The following EXOC6B variants were observed in gnomAD, a reference collection of about 807,000 sequenced individuals.
The protein encoded by EXOC6B is SEC15 homolog B.
Under a neutral mutation model 113.5 loss-of-function variants are expected in EXOC6B, and 54 were observed. The observed-to-expected ratio is 0.48, with a 90% CI of 0.38 to 0.60. The LOEUF is 0.60. Among genes scored for constraint, EXOC6B ranks in the 20% least tolerant of loss-of-function variants. The pLI is 0.00. For missense variants in EXOC6B, 797 were observed against 977.5 expected, an observed-to-expected ratio of 0.82 and a Z score of 2.46; for synonymous variants, 357 against 339.0, an observed-to-expected ratio of 1.05 and a Z score of -0.58.
chr2:72,815,774 T>C (rs1297276108), intron 1 of EXOC6B, among the ~76,000 whole-genome samples: 1 of 152,204 alleles, frequency 6.6e-6, no homozygotes, highest in African/African-American at 2.4e-5. Context: ...GTACAACCTC[T>C]AAAGTGGGTA....
chr2:72,493,612 A>G (rs1264426380), intron 15 of EXOC6B, among the ~76,000 whole-genome samples: 1 of 152,030 alleles, frequency 6.6e-6, no homozygotes, highest in Non-Finnish European at 1.5e-5. Context: ...TCTCTCGCGT[A>G]TGTATGTGGG....
chr2:72,606,697 C>T (rs1371316694), intron 6 of EXOC6B, among the ~76,000 whole-genome samples: 8 of 150,632 alleles, frequency 5.3e-5, no homozygotes, highest in Non-Finnish European at 1.2e-4. Context: ...GGCCCACTCT[C>T]GGTTCACTGC....
At chr2:72,711,116 G>A (rs995346572) in intron 6 of EXOC6B, among the ~76,000 whole-genome samples, 2 of 151,662 alleles carry the variant, frequency 1.3e-5, no homozygotes, top group Admixed American at 1.3e-4. Flanking sequence ...CATAATAAGT[G>A]AAATCCAGAA....
At chr2:72,306,806 C>G (rs1686887932) in intron 20 of EXOC6B, among the ~76,000 whole-genome samples, 1 of 152,158 alleles carries the variant, frequency 6.6e-6, no homozygotes. Context: ...TCCATATGCT[C>G]TTAATCTCCA....
intron 20 of EXOC6B, among the ~76,000 whole-genome samples, chr2:72,252,873 T>C (rs1012708927): frequency 2.0e-5 from 3 of 151,966 alleles, no homozygotes; most frequent in South Asian, 2.1e-4. Context: ...ATAATAACAG[T>C]TGAAAAACAA....
chr2:72,665,890 G>A (rs1675355491), intron 6 of EXOC6B, among the ~76,000 whole-genome samples: 1 of 152,150 alleles, frequency 6.6e-6, no homozygotes, highest in South Asian at 2.1e-4. Flanking sequence ...AAAAGGCACA[G>A]AGTGGCAAGG....
intron 1 of EXOC6B, among the ~76,000 whole-genome samples, chr2:72,805,102 C>T (rs981521312): frequency 4.4e-4 from 67 of 152,134 alleles, no homozygotes; most frequent in African/African-American, 1.5e-3. Flanking sequence ...ACTGCTGTAA[C>T]CTAAAGCTGA....
At chr2:72,578,065 A>C (rs1010685920) in intron 6 of EXOC6B, among the ~76,000 whole-genome samples, 1 of 152,056 alleles carries the variant, frequency 6.6e-6, no homozygotes, top group Admixed American at 6.6e-5. Flanking sequence ...TCAAACACTT[A>C]TCTCTCAAAT....
chr2:72,487,356 T>TGTTTA (rs1210145384), intron 16 of EXOC6B, among the ~76,000 whole-genome samples: 1 of 152,052 alleles, frequency 6.6e-6, no homozygotes, highest in African/African-American at 2.4e-5. Flanking sequence ...TGTTTTGTTT[T>TGTTTA]GTTTTGTTTT....
intron 18 of EXOC6B, among the ~76,000 whole-genome samples, chr2:72,392,924 C>T (rs915320747): frequency 6.6e-6 from 1 of 152,136 alleles, no homozygotes; most frequent in African/African-American, 2.4e-5. Context: ...TTCTCAATGT[C>T]TCTGCTACGT....
intron 20 of EXOC6B, among the ~76,000 whole-genome samples, chr2:72,197,041 A>G (rs1242779956): frequency 6.6e-6 from 1 of 152,196 alleles, no homozygotes; most frequent in African/African-American, 2.4e-5. Flanking sequence ...GAATGAAGGG[A>G]ATTTCAAGCA....
intron 17 of EXOC6B, among the ~76,000 whole-genome samples, chr2:72,466,406 A>G (rs17008208): frequency 0.22 from 32,974 of 151,552 alleles, 5,698 homozygotes; most frequent in African/African-American, 0.48. Context: ...GAGACTCATC[A>G]TATTTACCAC....
intron 18 of EXOC6B, among the ~76,000 whole-genome samples, chr2:72,436,966 TGGA>T (rs1695915327): frequency 1.3e-5 from 2 of 152,178 alleles, no homozygotes; most frequent in African/African-American, 2.4e-5. Flanking sequence ...TGTGTTCCTT[TGGA>T]GGAGAAGAGG....
chr2:72,350,122 C>A (rs1397531105), intron 19 of EXOC6B, among the ~76,000 whole-genome samples: 1 of 152,014 alleles, frequency 6.6e-6, no homozygotes, highest in African/African-American at 2.4e-5. Context: ...GCCTTGGATG[C>A]AATAAAATAA....
chr2:72,357,828 C>T (rs886793264), intron 19 of EXOC6B, among the ~76,000 whole-genome samples: 2 of 152,144 alleles, frequency 1.3e-5, no homozygotes, highest in African/African-American at 2.4e-5. Flanking sequence ...TTACAACTGC[C>T]TATGGTATCT....
intron 1 of EXOC6B, among the ~76,000 whole-genome samples, chr2:72,798,605 C>G (rs1167212353): frequency 1.3e-5 from 2 of 152,032 alleles, no homozygotes; most frequent in Non-Finnish European, 2.9e-5. Flanking sequence ...AATATTTGGT[C>G]CCTTAGGTTG....
chr2:72,221,606 G>A (rs760559173), intron 20 of EXOC6B, among the ~76,000 whole-genome samples: 17 of 151,700 alleles, frequency 1.1e-4, no homozygotes, highest in Middle Eastern at 3.2e-3. Context: ...TTCCTTACTC[G>A]TCTACCCTAA....
intron 5 of EXOC6B, among the ~76,000 whole-genome samples, chr2:72,724,429 G>T (rs992862735): frequency 2.0e-5 from 3 of 151,926 alleles, no homozygotes; most frequent in Admixed American, 6.5e-5. Context: ...TGGGTTTGAA[G>T]GTAACAAACT....
intron 6 of EXOC6B, among the ~76,000 whole-genome samples, chr2:72,679,659 A>T (rs1435798343): frequency 6.6e-6 from 1 of 152,250 alleles, no homozygotes; most frequent in African/African-American, 2.4e-5. Flanking sequence ...CAGAAAAAGC[A>T]AAGTGTGCAT....
Sources: gnomAD v4.1 joint callset for allele counts (sites outside exome capture counted in the v4.1 genomes callset) on GRCh38, gnomAD v4.1.1 for gene constraint, MANE v1.5 for transcripts, NCBI Gene and HGNC (gene_info 2026-07-23, HGNC 2026-07-21) for gene names.